The following SARNP variants were observed in gnomAD, a reference collection of about 807,000 sequenced individuals.
The protein encoded by SARNP is SAP domain-containing ribonucleoprotein.
Under a neutral mutation model 38.1 loss-of-function variants are expected in SARNP, and 5 were observed. The ratio of observed to expected loss-of-function variants is 0.13; its 90% confidence interval spans 0.07 to 0.28. SARNP has a LOEUF of 0.28. Among genes scored for constraint, SARNP ranks in the 10% least tolerant of loss-of-function variants. The pLI, the probability that SARNP is intolerant of heterozygous loss-of-function variation, is 1.00. For synonymous variants in SARNP, 84 were observed against 80.6 expected (o/e 1.04, Z -0.23); for missense variants, 180 against 243.9 (o/e 0.74, Z 1.75).
intron 9 of SARNP, among the ~76,000 whole-genome samples, chr12:55,770,738 T>C (rs1055195110): frequency 2.0e-5 from 3 of 152,164 alleles, no homozygotes; most frequent in Non-Finnish European, 2.9e-5. Flanking sequence ...TCTAACTTTA[T>C]TTTCTAAACC....
At chr12:55,806,097 G>C (rs1056542266) in intron 1 of SARNP, among the ~76,000 whole-genome samples, 1 of 150,796 alleles carries the variant, frequency 6.6e-6, no homozygotes, top group African/African-American at 2.4e-5. Flanking sequence ...AATGACTGCA[G>C]AGTGACTGGA....
intron 3 of SARNP, 86 bp from the exon 4 acceptor site, chr12:55,800,715 C>T (rs942293604): frequency 3.0e-6 from 4 of 1,323,368 alleles, no homozygotes; most frequent in Non-Finnish European, 4.3e-6. Context: ...CCAAAATAAA[C>T]CAGTCTCTCA....
At chr12:55,801,131 C>T (rs927273160) in intron 2 of SARNP, among the ~76,000 whole-genome samples, 1 of 152,120 alleles carries the variant, frequency 6.6e-6, no homozygotes, top group Non-Finnish European at 1.5e-5. Flanking sequence ...TGAAGTCAAA[C>T]TAGAGAATTA....
Position 55,757,418 on chromosome 12 carries a change from T to C in SARNP, c.*94A>G. 4.8e-6 allele frequency: 5 copies of C among 1,035,854 alleles called. No homozygotes were observed. The highest frequency in any genetic ancestry group is 7.0e-6 in the Non-Finnish European group (5 of 714,208). 64.2% of individuals were successfully genotyped at this position (1,035,854 alleles called of 1,614,324 possible). ...TGCTCCCTCATTGCGAGGCAGGACGTAGGCACATGACTGTGCATTTAGGCA... is the reference window on the plus strand; with the variant it reads ...TGCTCCCTCATTGCGAGGCAGGACGCAGGCACATGACTGTGCATTTAGGCA... On this transcript the variant is annotated 3_prime_UTR_variant, in exon 11 of 11. Coordinates refer to ENST00000336133, the MANE Select transcript of SARNP (RefSeq NM_033082.4).
chr12:55,784,265 G>A, intron 9 of SARNP, among the ~76,000 whole-genome samples: 1 of 152,166 alleles, frequency 6.6e-6, no homozygotes, highest in South Asian at 2.1e-4. Flanking sequence ...AGGCTACACT[G>A]GAACCCAGAA....
rs1878987744 is a variant in SARNP, at chr12:55,770,929, C to T, written c.502-10289G>A. Among the ~76,000 whole-genome samples the T allele has an allele frequency of 2.0e-5, 3 of 149,558 alleles. No homozygotes were observed. The South Asian group carries it at 6.3e-4, about 31-fold the overall frequency. ...GTTGTGTGTTGAAAGCATTCACCTT[C>T]TTCAATCTTTTTTTTTTTTTTTTTT... On this transcript the variant is annotated intron_variant, in intron 9 of 10. Transcript: ENST00000336133.
chr12:55,778,898 G>C (rs1472032200), intron 9 of SARNP, among the ~76,000 whole-genome samples: 1 of 152,224 alleles, frequency 6.6e-6, no homozygotes, highest in Non-Finnish European at 1.5e-5. Flanking sequence ...TTGAACCTGA[G>C]AGGCAGAGGT....
chr12:55,792,457 CGCTTCCCACGTTCAA>C (rs1404112531), intron 7 of SARNP: 3 of 151,724 alleles, frequency 2.0e-5, no homozygotes, highest in Admixed American at 1.3e-4. Context: ...CTGCAAGCTC[CGCTTCCCACGTTCAA>C]GCACTTCTCC....
intron 4 of SARNP, among the ~76,000 whole-genome samples, chr12:55,798,815 C>A (rs1194898067): frequency 6.6e-6 from 1 of 152,138 alleles, no homozygotes; most frequent in Non-Finnish European, 1.5e-5. Context: ...ACTAGTCGAA[C>A]TTTTGTATAT....
At chr12:55,809,256 C>G (rs990847506) in intron 1 of SARNP, among the ~76,000 whole-genome samples, 3 of 150,430 alleles carry the variant, frequency 2.0e-5, no homozygotes, top group Non-Finnish European at 4.4e-5. Context: ...TTGTATGGTA[C>G]GTGAATTGTA....
chr12:55,775,474 T>C (rs1289117898), intron 9 of SARNP, among the ~76,000 whole-genome samples: 2 of 61,502 alleles, frequency 3.3e-5, no homozygotes, highest in South Asian at 6.2e-4. Context: ...GGCAGGAGAA[T>C]TGTTTGAACC....
At chr12:55,787,771 C>T (rs187518287) in intron 9 of SARNP, among the ~76,000 whole-genome samples, 227 of 146,092 alleles carry the variant, frequency 1.6e-3, no homozygotes, top group African/African-American at 5.5e-3. Flanking sequence ...TTTCTTGAGA[C>T]GGAGTCTCGC....
chr12:55,810,071 C>T (rs1011289895), intron 1 of SARNP, among the ~76,000 whole-genome samples: 2 of 152,138 alleles, frequency 1.3e-5, no homozygotes, highest in Non-Finnish European at 2.9e-5. Context: ...TCAACTTACC[C>T]TCATCATACA....
At chr12:55,813,016 G>A (rs1055202693) in intron 1 of SARNP, among the ~76,000 whole-genome samples, 3 of 151,782 alleles carry the variant, frequency 2.0e-5, no homozygotes, top group East Asian at 3.9e-4. Context: ...GCGCGATCTC[G>A]GCTCCTGCAA....
At chr12:55,811,370 C>T (rs1225970538) in intron 1 of SARNP, among the ~76,000 whole-genome samples, 4 of 152,094 alleles carry the variant, frequency 2.6e-5, no homozygotes, top group African/African-American at 9.7e-5. Context: ...CAGCCCTGGG[C>T]AACACGGGTA....
At chr12:55,815,811 A>C (rs912965647) in intron 1 of SARNP, 1 of 152,246 alleles carries the variant, frequency 6.6e-6, no homozygotes, top group Admixed American at 6.5e-5. Context: ...TCGGGGCTAC[A>C]AGGTAGTTTT....
intron 9 of SARNP, among the ~76,000 whole-genome samples, chr12:55,771,828 G>C (rs552982626): frequency 1.8e-4 from 28 of 152,308 alleles, no homozygotes; most frequent in Non-Finnish European, 3.2e-4. Context: ...CCACGTGACT[G>C]ATGGCAGGAT....
intron 1 of SARNP, among the ~76,000 whole-genome samples, chr12:55,813,626 C>T (rs970673566): frequency 1.4e-5 from 2 of 144,802 alleles, no homozygotes; most frequent in African/African-American, 5.1e-5. Context: ...CTCACCGCAA[C>T]CTCCACCTAC....
At chr12:55,807,674 C>G (rs1350395213) in intron 1 of SARNP, among the ~76,000 whole-genome samples, 1 of 150,736 alleles carries the variant, frequency 6.6e-6, no homozygotes, top group Non-Finnish European at 1.5e-5. Flanking sequence ...ATTAGCCGGG[C>G]GCGGTGGCGG....
Sources: allele counts gnomAD v4.1 joint callset (sites outside exome capture counted in the v4.1 genomes callset), GRCh38; gene constraint gnomAD v4.1.1; transcripts MANE v1.5; gene names NCBI Gene and HGNC (gene_info 2026-07-23, HGNC 2026-07-21).